The following SPTBN5 variants were observed in gnomAD, a reference collection of about 807,000 sequenced individuals.
The protein encoded by SPTBN5 is spectrin beta, non-erythrocytic 5, also known as spectrin beta chain, non-erythrocytic 5.
Under a neutral mutation model 477.6 loss-of-function variants are expected in SPTBN5, and 513 were observed. The observed-to-expected ratio is 1.07, with a 90% confidence interval of 1.00 to 1.16. SPTBN5 has a LOEUF of 1.16. SPTBN5 is among the 50% of genes most tolerant of loss of function. The pLI is 0.00. For synonymous variants in SPTBN5, 2,169 were observed against 2,011.7 expected (o/e 1.08, Z -2.09); for missense variants, 5,062 against 4,731.8 (o/e 1.07, Z -2.05).
At chr15:41,872,580 A>G (rs2066584493) in intron 26 of SPTBN5, 121 bp from the exon 27 acceptor site, 5 of 1,059,650 alleles carry the variant, frequency 4.7e-6, no homozygotes, top group East Asian at 2.6e-5. Context: ...ACGCCCATCC[A>G]TCTACCTCAA....
At chr15:41,860,496 A>C in intron 47 of SPTBN5, 90 bp downstream of exon 47, 2 of 1,290,938 alleles carry the variant, frequency 1.5e-6, no homozygotes, top group Middle Eastern at 2.9e-4. Context: ...GCCTGGGCCA[A>C]GTAGTGGAAG....
In SPTBN5 at chr15:41,887,353, C is replaced by T. The variant is rs1160956667; in HGVS notation, c.748G>A (p.Gly250Ser). Residue 250 changes from glycine to serine, a missense_variant, in exon 6 of 68, where the codon GGC becomes AGC. Transcript: ENST00000320955. Reference protein sequence around the residue: ...FAFLVAEQELGIAQLLDPEDV... With the variant: ...FAFLVAEQELSIAQLLDPEDV... ...TCGGGGTCCAGCAGCTGAGCAATGC[C>T]CAGCTCCTGCTCAGCCACCAGGAAA... 2 of 1,552,606 alleles carry T rather than the reference C, an allele frequency of 1.3e-6. No homozygotes were observed.
chr15:41,853,831 C>T, intron 57 of SPTBN5, 44 bp from the exon 58 acceptor site: 1 of 1,498,842 alleles, frequency 6.7e-7, no homozygotes, highest in Admixed American at 2.0e-5. Flanking sequence ...CCCCACTGAG[C>T]CGATGCGTGC....
In SPTBN5 at chr15:41,883,423, C is replaced by G. The variant is rs201222470; in HGVS notation, c.1584G>C (p.Gln528His). 92 of 1,613,850 alleles carry G rather than the reference C, an allele frequency of 5.7e-5. No homozygotes were observed. The African/African-American group carries it at 1.1e-3, about 20-fold the overall frequency. ...LLQHLQGQRK[Q>H]VADMQAVLSL... ...TCAGCACAGCCTGCATGTCTGCCAC[C>G]TGCTTCCTCTGTCCCTGTAGATGCT... Residue 528 changes from glutamine (Q) to histidine (H), a missense_variant, in exon 8 of 68, where the codon CAG (glutamine) becomes CAC (histidine). Coordinates refer to ENST00000320955, the MANE Select transcript of SPTBN5 (RefSeq NM_016642.4).
Position 41,874,330 on chromosome 15 carries a change from A to C in SPTBN5, c.4651T>G (p.Cys1551Gly), listed in dbSNP as rs2066645581. 1 of 1,613,558 alleles carries C rather than the reference A, an allele frequency of 6.2e-7. No individual in the cohort carries two copies. Among genetic ancestry groups the C allele is most frequent in the Non-Finnish European group, 8.5e-7 (1 of 1,179,828 alleles). ...TGAAGGCTCTGGGCACCATTCAAGC[A>C]CTCGGTATAGCTGGTGGGGCTGCCA... Reference protein sequence around the residue: ...PHGSPTSYTECLNGAQSLHRK... With the variant: ...PHGSPTSYTEGLNGAQSLHRK... The change falls in exon 24 of 68, where the codon TGC becomes GGC. Residue 1551 changes from cysteine (C) to glycine (G), a missense_variant. By Grantham distance (159) the Cys-to-Gly change is radical (BLOSUM62 -3). Coordinates refer to ENST00000320955, the MANE Select transcript of SPTBN5 (RefSeq NM_016642.4).
chr15:41,873,692 G>C, intron 25 of SPTBN5, 84 bp from the exon 26 acceptor site: 2 of 1,447,356 alleles, frequency 1.4e-6, no homozygotes, highest in Non-Finnish European at 1.9e-6. Context: ...CTGCTCTCCA[G>C]CATCAAAGGG....
rs529772827 is a variant in SPTBN5, at chr15:41,878,022, A to AG, written c.3470+319dup. ...CTGGGGTCCGTGTTACCAGGACGGC[A>AG]GGGGGGGCTAGACGCCCTGACTGAA... On this transcript the variant is annotated intron_variant, in intron 17 of 67. Transcript: ENST00000320955. Among the ~76,000 whole-genome samples the AG allele has an allele frequency of 5.4e-4, 82 of 152,252 alleles. No homozygotes were observed. The South Asian group carries it at 0.011, about 20-fold the overall frequency.
At chr15:41,851,888 A>G in intron 62 of SPTBN5, 38 bp from the exon 63 acceptor site, 1 of 1,555,098 alleles carries the variant, frequency 6.4e-7, no homozygotes, top group Non-Finnish European at 8.8e-7. Flanking sequence ...TGTCAGGACC[A>G]GCACCCTCAG....
chr15:41,866,656 G>T, intron 36 of SPTBN5, 163 bp from the exon 37 acceptor site: 1 of 909,400 alleles, frequency 1.1e-6, no homozygotes, highest in Non-Finnish European at 1.6e-6. Flanking sequence ...GTTGCTGCAG[G>T]AGGCAGCCGG....
At position 41,858,590 on chromosome 15, in the gene SPTBN5, G is replaced by A; in HGVS notation, c.8226+12C>T. The stretch of plus-strand genomic sequence containing the variant: ...GAGCTGTCCCACCACCCTCCTGCCT[G>A]CAGGGCCTCACCCGCTGCAGCTCCT... On this transcript the variant is annotated intron_variant, in intron 49 of 67. Transcript: ENST00000320955. 1 of 1,607,536 alleles carries A rather than the reference G, an allele frequency of 6.2e-7. No homozygotes were observed. The highest frequency in any genetic ancestry group is 2.2e-5 in the East Asian group (1 of 44,786).
At chr15:41,864,293 A>G (rs1324294002) in intron 39 of SPTBN5, among the ~76,000 whole-genome samples, 1 of 152,162 alleles carries the variant, frequency 6.6e-6, no homozygotes, top group Non-Finnish European at 1.5e-5. Flanking sequence ...GGTACCATGT[A>G]GGAGGGGGAG....
Position 41,860,593 on chromosome 15 carries a change from G to A in SPTBN5, c.7981C>T (p.Leu2661Phe), listed in dbSNP as rs2066072371. ...QSALGRCQAM[L>F]LRKEALFRQA... ...CCCCAGAGCCACCACTACCTCAGAA[G>A]CATGGCCTGGCACCTGCCCAGGGCA... Residue 2661 changes from leucine to phenylalanine, a missense_variant, in exon 47 of 68, where the codon CTT (leucine) becomes TTT (phenylalanine). Coordinates refer to ENST00000320955, the MANE Select transcript of SPTBN5 (RefSeq NM_016642.4). The A allele has an allele frequency of 6.9e-7, 1 of 1,450,434 alleles. No homozygotes were observed. Among genetic ancestry groups the A allele is most frequent in the Non-Finnish European group, 9.1e-7 (1 of 1,096,304 alleles). 89.8% of individuals were successfully genotyped at this position (1,450,434 alleles called of 1,614,324 possible).
chr15:41,855,809 C>T, intron 53 of SPTBN5, 64 bp from the exon 54 acceptor site: 25 of 1,444,114 alleles, frequency 1.7e-5, no homozygotes, highest in Non-Finnish European at 2.2e-5. Flanking sequence ...GATTTACAGC[C>T]ACGATTCTCA....
intron 7 of SPTBN5, among the ~76,000 whole-genome samples, chr15:41,884,054 C>T (rs181969037): frequency 6.6e-4 from 100 of 152,284 alleles, no homozygotes; most frequent in African/African-American, 2.2e-3. Context: ...GGCACGATCT[C>T]GGCTCACTGC....
intron 11 of SPTBN5, 26 bp downstream of exon 11, chr15:41,882,243 A>ACCCCCCCCCCCC: frequency 6.5e-6 from 1 of 153,706 alleles, no homozygotes; most frequent in Non-Finnish European, 8.9e-6. Context: ...CCCCGCCCCC[A>ACCCCCCCCCCCC]CCCCGCCTCC....
rs1007775604 is a variant in SPTBN5, at chr15:41,860,507, G to T, written c.7988+79C>A. The T allele has an allele frequency of 6.9e-6, 9 of 1,310,702 alleles. No individual in the cohort carries two copies. The African/African-American group carries it at 9.2e-5, about 13-fold the overall frequency. The allele number at this position is 1,310,702 out of a possible 1,614,324, so 81.2% of individuals were successfully genotyped here. On this transcript the variant is annotated intron_variant, in intron 47 of 67. Coordinates refer to ENST00000320955, the MANE Select transcript of SPTBN5 (RefSeq NM_016642.4). ...GTGAGCCTGGGCCAAGTAGTGGAAGGGTGGGAAGGGAAGAACCGGGATGCC... is the reference window on the plus strand; with the variant it reads ...GTGAGCCTGGGCCAAGTAGTGGAAGTGTGGGAAGGGAAGAACCGGGATGCC...
chr15:41,853,509 A>T, intron 58 of SPTBN5, 62 bp from the exon 59 acceptor site: 1 of 1,534,962 alleles, frequency 6.5e-7, no homozygotes, highest in Non-Finnish European at 8.8e-7. Flanking sequence ...GGGAGGGTCC[A>T]GCTCCCCCAA....
chr15:41,882,626 G>C lies in SPTBN5; in HGVS notation c.2005C>G (p.Arg669Gly), dbSNP rs369145141. The C allele has an allele frequency of 3.1e-6, 5 of 1,606,754 alleles. No individual in the cohort carries two copies. The highest frequency in any genetic ancestry group is 3.4e-5 in the Admixed American group (2 of 59,270). Residue 669 changes from arginine (R) to glycine (G), a missense_variant, in exon 10 of 68, where the codon CGG becomes GGG. Transcript: ENST00000320955. ...GCGCCTGCGATCTGGCTGAGATCCC[G>C]GCCCAGGGCCGCATTCCCCACCCGC... The part of the protein sequence containing the change: ...GQRVGNAALG[R>G]DLSQIAGALQ...
rs2066750541 is a variant in SPTBN5, at chr15:41,876,804, C to T, written c.3851+5G>A. 3 of 1,609,930 alleles carry T rather than the reference C, an allele frequency of 1.9e-6. No homozygotes were observed. Among genetic ancestry groups the T allele is most frequent in the Non-Finnish European group, 2.5e-6 (3 of 1,179,788 alleles). ...GCAGGTGCTGCAGACTGAGGCCAGGCTCACGTGTGTGCAGCTGGGTGCTGG... is the reference window on the plus strand; with the variant it reads ...GCAGGTGCTGCAGACTGAGGCCAGGTTCACGTGTGTGCAGCTGGGTGCTGG... On this transcript the variant is annotated splice_donor_5th_base_variant and intron_variant, in intron 19 of 67. Coordinates refer to ENST00000320955, the MANE Select transcript of SPTBN5 (RefSeq NM_016642.4).
Sources: gnomAD v4.1 joint callset for allele counts (sites outside exome capture counted in the v4.1 genomes callset) on GRCh38, gnomAD v4.1.1 for gene constraint, MANE v1.5 for transcripts, NCBI Gene and HGNC (gene_info 2026-07-23, HGNC 2026-07-21) for gene names.